The following PITPNB variants were observed in gnomAD, a reference collection of about 807,000 sequenced individuals.
PITPNB encodes the protein phosphatidylinositol transfer protein beta.
PITPNB carries 16 observed loss-of-function variants against 45.9 expected under a neutral mutation model. That is an observed-to-expected ratio of 0.35 (90% confidence interval 0.24 to 0.53). The LOEUF (loss-of-function observed/expected upper bound fraction) is 0.53, where lower values mean the gene tolerates loss of function less well. PITPNB is among the 20% of genes least tolerant of loss of function. The pLI is 0.93. For missense variants in PITPNB, 188 were observed against 330.5 expected (o/e 0.57, Z 3.34); for synonymous variants, 112 against 108.9 (o/e 1.03, Z -0.18).
chr22:27,860,135 T>C lies in PITPNB; in HGVS notation c.641A>G (p.Gln214Arg), dbSNP rs1934283428. ...CACATTTTGAGCAGATTTTACCTTT[T>C]GAATGAAGTTTTCTACTTTGCTTTG... is the stretch of plus-strand genomic sequence containing the variant. ...GLQSKVENFI[Q>R]KQEKRIFTNF... Residue 214 changes from glutamine (Q) to arginine (R), a missense_variant, in exon 9 of 12, where the codon CAA becomes CGA. By Grantham distance (43) the Gln-to-Arg change is conservative (BLOSUM62 1). Coordinates refer to ENST00000335272, the MANE Select transcript of PITPNB (RefSeq NM_012399.5). 1 of 1,595,342 alleles carries C rather than the reference T, an allele frequency of 6.3e-7. No individual in the cohort carries two copies. Among genetic ancestry groups the C allele is most frequent in the East Asian group, 2.2e-5 (1 of 44,800 alleles).
At chr22:27,908,366 T>C (rs555810569) in intron 3 of PITPNB, among the ~76,000 whole-genome samples, 9 of 149,774 alleles carry the variant, frequency 6.0e-5, no homozygotes, top group African/African-American at 2.2e-4. Flanking sequence ...TCAAAACACA[T>C]GTAATGTATT....
At chr22:27,879,086 A>AG (rs998758836) in intron 7 of PITPNB, among the ~76,000 whole-genome samples, 59 of 151,968 alleles carry the variant, frequency 3.9e-4, no homozygotes, top group African/African-American at 1.3e-3. Context: ...TAGAGTCCTG[A>AG]GATGGTGGGG....
chr22:27,873,092 A>AC (rs1934715255), intron 8 of PITPNB, among the ~76,000 whole-genome samples: 1 of 152,016 alleles, frequency 6.6e-6, no homozygotes, highest in Non-Finnish European at 1.5e-5. Flanking sequence ...ACATGGAGAA[A>AC]CCCCGTCTCC....
intron 7 of PITPNB, among the ~76,000 whole-genome samples, chr22:27,889,959 T>C (rs1004596596): frequency 1.3e-5 from 2 of 152,250 alleles, no homozygotes; most frequent in East Asian, 3.8e-4. Context: ...TAAGAAGTAG[T>C]GACCTTCAGG....
rs1037630358 is a variant in PITPNB at position 27,901,337 on chromosome 22, C to A, written c.198-3445G>T. Reference sequence around the variant, plus strand: ...TATTCCTGAGATAAATAATACCATGCACTTTTCCCTGGAAATTATTATGTC... The same window carrying A: ...TATTCCTGAGATAAATAATACCATGAACTTTTCCCTGGAAATTATTATGTC... On this transcript the variant is annotated intron_variant, in intron 3 of 11. Coordinates refer to ENST00000335272, the MANE Select transcript of PITPNB (RefSeq NM_012399.5). Among the ~76,000 whole-genome samples, 11 of 152,266 alleles carry A rather than the reference C, an allele frequency of 7.2e-5. No individual in the cohort carries two copies. In the South Asian group the frequency reaches 2.1e-3, roughly 29 times the overall value.
chr22:27,890,880 T>C (rs574035628), intron 7 of PITPNB, among the ~76,000 whole-genome samples: 2 of 152,300 alleles, frequency 1.3e-5, no homozygotes, highest in South Asian at 2.1e-4. Context: ...TACACTGGAA[T>C]ATTATTCAGC....
intron 8 of PITPNB, among the ~76,000 whole-genome samples, chr22:27,861,997 C>T (rs910891360): frequency 6.6e-6 from 1 of 152,180 alleles, no homozygotes; most frequent in Admixed American, 6.5e-5. Context: ...AACTAAATCA[C>T]TGAGTCAAAG....
At chr22:27,893,582 CTTTTTTTT>C (rs745878388) in intron 7 of PITPNB, among the ~76,000 whole-genome samples, 3 of 74,046 alleles carry the variant, frequency 4.1e-5, no homozygotes, top group African/African-American at 1.6e-4. Flanking sequence ...CATGTCTAGC[CTTTTTTTT>C]TTTTTTTTTT....
At chr22:27,897,933 C>A (rs1370847997) in intron 3 of PITPNB, 41 bp from the exon 4 acceptor site, 1 of 1,338,870 alleles carries the variant, frequency 7.5e-7, no homozygotes, top group African/African-American at 1.4e-5. Context: ...ACAGCACCAT[C>A]AATTCTTTCT....
chr22:27,914,406 C>G (rs1354603002), intron 1 of PITPNB, 59 bp from the exon 2 acceptor site: 8 of 1,024,408 alleles, frequency 7.8e-6, no homozygotes, highest in Non-Finnish European at 1.2e-5. Context: ...AAACACAGAT[C>G]TCTGAAGAGG....
At chr22:27,891,799 T>C (rs1935288348) in intron 7 of PITPNB, among the ~76,000 whole-genome samples, 1 of 152,126 alleles carries the variant, frequency 6.6e-6, no homozygotes, top group Non-Finnish European at 1.5e-5. Context: ...CTCTTTCCAT[T>C]ATAAATTACC....
intron 3 of PITPNB, among the ~76,000 whole-genome samples, chr22:27,904,174 A>T (rs757965277): frequency 8.5e-5 from 13 of 152,256 alleles, no homozygotes; most frequent in Non-Finnish European, 1.5e-4. Flanking sequence ...CACACAAAAA[A>T]GTATGCACAA....
chr22:27,897,056 G>C, intron 5 of PITPNB, 74 bp downstream of exon 5: 1 of 1,073,298 alleles, frequency 9.3e-7, no homozygotes, highest in Non-Finnish European at 1.5e-6. Flanking sequence ...GCAAAGAATG[G>C]TTGAAAATAA....
At chr22:27,915,717 T>C (rs1007560614) in intron 1 of PITPNB, among the ~76,000 whole-genome samples, 1 of 152,190 alleles carries the variant, frequency 6.6e-6, no homozygotes. Flanking sequence ...CTTCTATACC[T>C]AAAAATTCCG....
At chr22:27,866,935 A>G (rs575708307) in intron 8 of PITPNB, among the ~76,000 whole-genome samples, 1 of 152,260 alleles carries the variant, frequency 6.6e-6, no homozygotes, top group African/African-American at 2.4e-5. Context: ...TGTGACGTCT[A>G]TGTACTGAAA....
chr22:27,857,655 C>T (rs1934210517), intron 10 of PITPNB, among the ~76,000 whole-genome samples: 2 of 152,272 alleles, frequency 1.3e-5, no homozygotes, highest in Middle Eastern at 6.8e-3. Context: ...GTTTGTTTCA[C>T]CCATGGGGCC....
rs1934088313 is a variant in PITPNB, at chr22:27,853,589, G to C, written c.*113C>G. On this transcript the variant is annotated 3_prime_UTR_variant, in exon 12 of 12. Coordinates refer to ENST00000335272, the MANE Select transcript of PITPNB (RefSeq NM_012399.5). The stretch of plus-strand genomic sequence containing the variant: ...CACACATCTGGGAAACGTCAACACT[G>C]CAAGATACTGGTCAGATTCTTCTTC... 6.5e-7 allele frequency: 1 copy of C among 1,543,556 alleles called. No homozygotes were observed. The highest frequency in any genetic ancestry group is 8.8e-7 in the Non-Finnish European group (1 of 1,140,242).
chr22:27,887,671 G>A (rs916189103), intron 7 of PITPNB, among the ~76,000 whole-genome samples: 3 of 151,882 alleles, frequency 2.0e-5, no homozygotes, highest in Non-Finnish European at 1.5e-5. Context: ...CTCGATTCTA[G>A]TGTCACTCCA....
intron 10 of PITPNB, among the ~76,000 whole-genome samples, 194 bp downstream of exon 10, chr22:27,858,193 A>G (rs966227647): frequency 2.0e-5 from 3 of 152,244 alleles, no homozygotes; most frequent in Non-Finnish European, 4.4e-5. Flanking sequence ...TTCACGCAAG[A>G]TGCTCAACAA....
Sources: allele counts gnomAD v4.1 joint callset (sites outside exome capture counted in the v4.1 genomes callset), GRCh38; gene constraint gnomAD v4.1.1; transcripts MANE v1.5; gene names NCBI Gene and HGNC (gene_info 2026-07-23, HGNC 2026-07-21).